Variants in CCBE1 observed in about 807,000 individuals in gnomAD.
The protein encoded by CCBE1 is collagen and calcium binding EGF domains 1.
In CCBE1, 37 loss-of-function variants were observed where a neutral mutation model predicts 50.0. The observed-to-expected ratio is 0.74, with a 90% confidence interval of 0.57 to 0.97. The LOEUF is 0.97. Among genes scored for constraint, CCBE1 ranks in the 50% least tolerant of loss-of-function variants. The pLI, the probability that CCBE1 is intolerant of heterozygous loss-of-function variation, is 0.00. For missense variants in CCBE1, 538 were observed against 523.8 expected, an observed-to-expected ratio of 1.03 and a Z score of -0.26; for synonymous variants, 234 against 203.7, an observed-to-expected ratio of 1.15 and a Z score of -1.27.
At chr18:59,570,166 A>AG (rs1375877558) in intron 2 of CCBE1, among the ~76,000 whole-genome samples, 2 of 152,226 alleles carry the variant, frequency 1.3e-5, no homozygotes, top group African/African-American at 2.4e-5. Flanking sequence ...CTTAGGATCT[A>AG]GCCTGGGAGA....
intron 2 of CCBE1, among the ~76,000 whole-genome samples, chr18:59,615,765 G>A (rs371787679): frequency 6.6e-6 from 1 of 151,252 alleles, no homozygotes; most frequent in South Asian, 2.1e-4. Flanking sequence ...TAGAAGGCAA[G>A]ATTTACAAGG....
At chr18:59,582,179 G>T (rs1309498420) in intron 2 of CCBE1, among the ~76,000 whole-genome samples, 1 of 152,166 alleles carries the variant, frequency 6.6e-6, no homozygotes, top group African/African-American at 2.4e-5. Flanking sequence ...CCTACCCATT[G>T]TTTAAGGTTC....
chr18:59,500,796 G>T (rs558056961), intron 2 of CCBE1, among the ~76,000 whole-genome samples: 2 of 152,328 alleles, frequency 1.3e-5, no homozygotes, highest in South Asian at 4.1e-4. Flanking sequence ...AGGACCTGCT[G>T]CCCTTCTTCC....
chr18:59,548,551 C>T (rs1272965208), intron 2 of CCBE1, among the ~76,000 whole-genome samples: 1 of 152,190 alleles, frequency 6.6e-6, no homozygotes, highest in Admixed American at 6.5e-5. Context: ...GGAAGCCCTC[C>T]TGAGAGACCC....
intron 2 of CCBE1, among the ~76,000 whole-genome samples, chr18:59,532,870 T>C (rs2144358183): frequency 6.6e-6 from 1 of 152,326 alleles, no homozygotes; most frequent in South Asian, 2.1e-4. Flanking sequence ...TTGTCCTTTT[T>C]TACTGAATCC....
At chr18:59,589,621 C>T (rs951155051) in intron 2 of CCBE1, among the ~76,000 whole-genome samples, 6 of 151,648 alleles carry the variant, frequency 4.0e-5, no homozygotes, top group Non-Finnish European at 8.8e-5. Flanking sequence ...TGGTGAAACC[C>T]CGTCTCTACT....
At chr18:59,663,479 A>G (rs1262551653) in intron 2 of CCBE1, among the ~76,000 whole-genome samples, 3 of 152,172 alleles carry the variant, frequency 2.0e-5, no homozygotes, top group Non-Finnish European at 4.4e-5. Flanking sequence ...TTTGGATGAC[A>G]AATTCTTCAC....
At chr18:59,526,337 T>C (rs1240717232) in intron 2 of CCBE1, among the ~76,000 whole-genome samples, 2 of 148,542 alleles carry the variant, frequency 1.3e-5, no homozygotes, top group Non-Finnish European at 3.0e-5. Context: ...GGAGATGGAA[T>C]CTCACTCTGT....
At chr18:59,546,640 A>G (rs943553102) in intron 2 of CCBE1, among the ~76,000 whole-genome samples, 36 of 152,332 alleles carry the variant, frequency 2.4e-4, no homozygotes, top group African/African-American at 8.7e-4. Context: ...GTATTTTCTT[A>G]CTAATTTGTA....
chr18:59,503,770 G>C (rs1913737030), intron 2 of CCBE1, among the ~76,000 whole-genome samples: 1 of 152,088 alleles, frequency 6.6e-6, no homozygotes, highest in African/African-American at 2.4e-5. Flanking sequence ...CTTTTGCAAA[G>C]TACAACAGGC....
intron 2 of CCBE1, among the ~76,000 whole-genome samples, chr18:59,554,089 A>C (rs961240378): frequency 2.6e-5 from 4 of 152,168 alleles, no homozygotes; most frequent in African/African-American, 9.7e-5. Flanking sequence ...TGCAACCAGT[A>C]ATTCCCGGGC....
chr18:59,489,287 T>C (rs1332867927), intron 2 of CCBE1, among the ~76,000 whole-genome samples: 1 of 152,256 alleles, frequency 6.6e-6, no homozygotes, highest in African/African-American at 2.4e-5. Context: ...CTCCCTGGCA[T>C]ATCAGTGTGC....
chr18:59,464,177 A>G (rs1024419674), intron 5 of CCBE1: 3 of 152,272 alleles, frequency 2.0e-5, no homozygotes, highest in African/African-American at 7.2e-5. Context: ...TCATGCCTGT[A>G]ATCCCAGCAC....
At chr18:59,625,268 A>G (rs2053765864) in intron 2 of CCBE1, among the ~76,000 whole-genome samples, 1 of 149,058 alleles carries the variant, frequency 6.7e-6, no homozygotes, top group African/African-American at 2.5e-5. Flanking sequence ...CATCTCTACT[A>G]AAAATACAAA....
At chr18:59,490,413 A>G (rs1016477178) in intron 2 of CCBE1, among the ~76,000 whole-genome samples, 2 of 139,300 alleles carry the variant, frequency 1.4e-5, no homozygotes, top group Non-Finnish European at 3.1e-5. Context: ...ATATTTTCTG[A>G]ATTTTCTATA....
At chr18:59,660,614 T>G (rs1568260141) in intron 2 of CCBE1, among the ~76,000 whole-genome samples, 1 of 152,216 alleles carries the variant, frequency 6.6e-6, no homozygotes, top group African/African-American at 2.4e-5. Flanking sequence ...AGCTTTGACA[T>G]CTGTATGTGT....
chr18:59,601,010 G>GTTTTTTTT lies in CCBE1; in HGVS notation c.212+95611_212+95618dup, dbSNP rs71177045. On this transcript the variant is annotated intron_variant, in intron 2 of 10. Transcript: ENST00000439986. ...GATCTATTTTATTAGCTATGTGTCA[G>GTTTTTTTT]TTTTTTTTTTTTTTTTTTTTTTTTT... Among the ~76,000 whole-genome samples the GTTTTTTTT allele has an allele frequency of 1.8e-3, 102 of 58,014 alleles. 28 individuals are homozygous for GTTTTTTTT. Among genetic ancestry groups the GTTTTTTTT allele is most frequent in the Non-Finnish European group, 2.9e-3 (81 of 28,346 alleles). The allele number at this position is 58,014 out of a possible 152,430, so 38.1% of individuals were successfully genotyped here. A position where few individuals can be genotyped will look rare whatever the true frequency, so the allele number is the denominator to read the frequency against.
Position 59,585,072 on chromosome 18 carries a change from C to T in CCBE1, c.213-104834G>A, listed in dbSNP as rs142880907. Among the ~76,000 whole-genome samples the T allele has an allele frequency of 2.3e-3, 345 of 152,214 alleles. 2 individuals carry two copies. Among genetic ancestry groups the T allele is most frequent in the African/African-American group, 7.8e-3 (326 of 41,544 alleles). Reference sequence around the variant, plus strand: ...CATGGCTCATGACCTCCCAGCTGTCCGAGTTGGAGTCACACTGTCCTGCTT... The same window carrying T: ...CATGGCTCATGACCTCCCAGCTGTCTGAGTTGGAGTCACACTGTCCTGCTT... On this transcript the variant is annotated intron_variant, in intron 2 of 10. Coordinates refer to ENST00000439986, the MANE Select transcript of CCBE1 (RefSeq NM_133459.4).
chr18:59,609,871 A>AC (rs2053547467), intron 2 of CCBE1, among the ~76,000 whole-genome samples: 1 of 152,236 alleles, frequency 6.6e-6, no homozygotes, highest in African/African-American at 2.4e-5. Flanking sequence ...CAGGGATAAT[A>AC]TTCAATGTGA....
Sources: gnomAD v4.1 joint callset for allele counts (sites outside exome capture counted in the v4.1 genomes callset) on GRCh38, gnomAD v4.1.1 for gene constraint, MANE v1.5 for transcripts, NCBI Gene and HGNC (gene_info 2026-07-23, HGNC 2026-07-21) for gene names.